The following PDE1C variants were observed in gnomAD, a reference collection of about 807,000 sequenced individuals.
PDE1C encodes the protein phosphodiesterase 1C.
In PDE1C, 62 loss-of-function variants were observed where a neutral mutation model predicts 93.1. The ratio of observed to expected loss-of-function variants is 0.67; its 90% CI spans 0.54 to 0.82. The LOEUF (loss-of-function observed/expected upper bound fraction) is 0.82. Among genes scored for constraint, PDE1C ranks in the 40% least tolerant of loss-of-function variants. The pLI, the probability that PDE1C is intolerant of heterozygous loss-of-function variation, is 0.00. For missense variants in PDE1C, 742 were observed against 884.6 expected, an observed-to-expected ratio of 0.84 and a Z score of 2.04; for synonymous variants, 325 against 310.1, an observed-to-expected ratio of 1.05 and a Z score of -0.50.
chr7:32,023,735 G>C (rs1330330338), intron 2 of PDE1C, among the ~76,000 whole-genome samples: 1 of 152,090 alleles, frequency 6.6e-6, no homozygotes, highest in Non-Finnish European at 1.5e-5. Context: ...AAAGAACAGA[G>C]TAACAGTTGT....
intron 3 of PDE1C, among the ~76,000 whole-genome samples, chr7:31,880,470 T>C (rs548092941): frequency 3.3e-5 from 5 of 152,246 alleles, no homozygotes; most frequent in East Asian, 1.9e-4. Flanking sequence ...AAAATCTTAG[T>C]GGATTTTTAA....
chr7:32,417,670 TAAAA>T (rs200338870), intron 1 of PDE1C, among the ~76,000 whole-genome samples: 4,795 of 112,376 alleles, frequency 0.043, 273 homozygotes, highest in African/African-American at 0.14. Flanking sequence ...CCCAATTTAG[TAAAA>T]AAAAAAAAAA....
chr7:31,728,473 C>T, the PDE1C span, among the ~76,000 whole-genome samples: 3 of 152,196 alleles, frequency 2.0e-5, no homozygotes, highest in Admixed American at 6.5e-5. Context: ...TGTTTTATCC[C>T]CCTCTGTTTT....
intron 2 of PDE1C, among the ~76,000 whole-genome samples, chr7:31,916,727 T>G (rs1801967852): frequency 6.6e-6 from 1 of 152,130 alleles, no homozygotes; most frequent in African/African-American, 2.4e-5. Flanking sequence ...AAAACTGACA[T>G]TTGGGAGAGC....
At chr7:32,300,090 C>T (rs1488788837), upstream of PDE1C, among the ~76,000 whole-genome samples, 1 of 151,802 alleles carries the variant, frequency 6.6e-6, no homozygotes, top group African/African-American at 2.4e-5. Context: ...AGATTAGAAA[C>T]CTTGTCCCAA....
chr7:32,058,174 T>C (rs1794355879), intron 1 of PDE1C, among the ~76,000 whole-genome samples: 1 of 152,178 alleles, frequency 6.6e-6, no homozygotes, highest in South Asian at 2.1e-4. Context: ...GCCTTCAGTG[T>C]TCTCCAGGGT....
At chr7:32,077,391 C>G (rs1796414055) in intron 3 of PDE1C, among the ~76,000 whole-genome samples, 1 of 152,000 alleles carries the variant, frequency 6.6e-6, no homozygotes, top group Non-Finnish European at 1.5e-5. Flanking sequence ...TAGGGGTGGG[C>G]AGAGCACCCA....
intron 1 of PDE1C, among the ~76,000 whole-genome samples, chr7:32,064,072 G>A (rs1795107932): frequency 6.6e-6 from 1 of 152,158 alleles, no homozygotes; most frequent in Non-Finnish European, 1.5e-5. Flanking sequence ...TAATCTGGGG[G>A]AAACAAACAA....
At chr7:32,120,090 C>T (rs1157308253) in intron 3 of PDE1C, among the ~76,000 whole-genome samples, 1 of 152,184 alleles carries the variant, frequency 6.6e-6, no homozygotes, top group Non-Finnish European at 1.5e-5. Flanking sequence ...CCTAGAGGTG[C>T]CCCCCACAGC....
At chr7:32,055,034 C>T (rs926144652) in intron 1 of PDE1C, among the ~76,000 whole-genome samples, 3 of 152,176 alleles carry the variant, frequency 2.0e-5, no homozygotes, top group Admixed American at 6.5e-5. Flanking sequence ...CCACATTGCA[C>T]TTATGACTGC....
intron 2 of PDE1C, among the ~76,000 whole-genome samples, chr7:31,971,334 A>G (rs1412586404): frequency 6.6e-6 from 1 of 152,098 alleles, no homozygotes; most frequent in African/African-American, 2.4e-5. Context: ...GGGTATATAC[A>G]CAGACCTGGG....
intron 3 of PDE1C, among the ~76,000 whole-genome samples, chr7:32,149,815 C>T (rs1801128427): frequency 5.3e-5 from 8 of 152,096 alleles, no homozygotes; most frequent in Admixed American, 4.6e-4. Flanking sequence ...ACTTTTATAA[C>T]AAAAAACTTC....
intron 2 of PDE1C, among the ~76,000 whole-genome samples, chr7:32,046,884 A>G (rs1792643424): frequency 6.6e-6 from 1 of 152,176 alleles, no homozygotes; most frequent in African/African-American, 2.4e-5. Context: ...TTTAAGCCAC[A>G]ACTCCAACTC....
chr7:31,768,032 T>G (rs970601461), intron 17 of PDE1C, among the ~76,000 whole-genome samples: 1 of 152,192 alleles, frequency 6.6e-6, no homozygotes, highest in Non-Finnish European at 1.5e-5. Flanking sequence ...AGCAAAAGCC[T>G]CAGGATAGAG....
At chr7:32,108,433 CCACACACACA>C (rs10696295) in intron 3 of PDE1C, among the ~76,000 whole-genome samples, 2 of 146,686 alleles carry the variant, frequency 1.4e-5, no homozygotes, top group Admixed American at 1.4e-4. Context: ...AGAAAAAAAA[CCACACACACA>C]CACACACACA....
intron 2 of PDE1C, among the ~76,000 whole-genome samples, chr7:32,009,508 C>G (rs1786779803): frequency 6.6e-6 from 1 of 152,082 alleles, no homozygotes. Context: ...TAATGGAGAC[C>G]CTGTGGTCCT....
intron 1 of PDE1C, among the ~76,000 whole-genome samples, chr7:32,246,023 A>G (rs952613664): frequency 1.4e-4 from 20 of 138,894 alleles, no homozygotes; most frequent in African/African-American, 5.5e-4. Context: ...AGATTGGAGT[A>G]CGTGGTGCAA....
At chr7:31,804,305 T>G (rs1291203049) in intron 16 of PDE1C, among the ~76,000 whole-genome samples, 1 of 151,860 alleles carries the variant, frequency 6.6e-6, no homozygotes, top group East Asian at 1.9e-4. Context: ...CTAATTTTCT[T>G]TAAATAATGA....
chr7:32,198,058 G>A (rs2128827590), intron 2 of PDE1C, among the ~76,000 whole-genome samples: 1 of 152,136 alleles, frequency 6.6e-6, no homozygotes, highest in East Asian at 1.9e-4. Flanking sequence ...CATAAATAAT[G>A]GTTAGTCCTT....
Sources: allele counts gnomAD v4.1 joint callset (sites outside exome capture counted in the v4.1 genomes callset), GRCh38; gene constraint gnomAD v4.1.1; transcripts MANE v1.5; gene names NCBI Gene and HGNC (gene_info 2026-07-23, HGNC 2026-07-21).